CYRIA: variants seen among roughly 807,000 people sequenced by gnomAD.
CYRIA encodes the protein CYFIP-related Rac1 interactor A.
A neutral mutation model predicts 43.9 loss-of-function variants in CYRIA; 15 were observed. The observed-to-expected ratio is 0.34, with a 90% confidence interval of 0.23 to 0.53. The LOEUF is 0.53. CYRIA is among the 20% of genes least tolerant of loss of function. The pLI, the probability that CYRIA is intolerant of heterozygous loss-of-function variation, is 0.94. For synonymous variants in CYRIA, 117 were observed against 136.0 expected, an observed-to-expected ratio of 0.86 and a Z score of 0.97; for missense variants, 236 against 394.2, an observed-to-expected ratio of 0.60 and a Z score of 3.40.
intron 1 of CYRIA, among the ~76,000 whole-genome samples, chr2:16,639,054 A>G (rs751051167): frequency 1.3e-5 from 2 of 152,248 alleles, no homozygotes; most frequent in Non-Finnish European, 2.9e-5. Flanking sequence ...ACTTTAAAAT[A>G]TCCACTTCAA....
intron 1 of CYRIA, among the ~76,000 whole-genome samples, chr2:16,662,725 C>T (rs1670290658): frequency 6.6e-6 from 1 of 152,202 alleles, no homozygotes; most frequent in Non-Finnish European, 1.5e-5. Context: ...CACTCCATTG[C>T]TCCTCAAGTG....
chr2:16,653,097 C>A (rs1224208909), intron 1 of CYRIA, among the ~76,000 whole-genome samples: 1 of 152,198 alleles, frequency 6.6e-6, no homozygotes, highest in Non-Finnish European at 1.5e-5. Context: ...TGAAGACAAG[C>A]CTGGGCCTGT....
intron 3 of CYRIA, among the ~76,000 whole-genome samples, chr2:16,572,896 C>T (rs1374194147): frequency 6.6e-6 from 1 of 152,232 alleles, no homozygotes; most frequent in Non-Finnish European, 1.5e-5. Flanking sequence ...TGCTCTGTTA[C>T]AGACTTCTTC....
At chr2:16,631,200 T>G (rs574776829) in intron 1 of CYRIA, among the ~76,000 whole-genome samples, 2 of 152,382 alleles carry the variant, frequency 1.3e-5, no homozygotes, top group East Asian at 3.9e-4. Context: ...GTTCGTGTTT[T>G]ATCTCCACCA....
rs972614426 is a variant in CYRIA, at chr2:16,649,024, T to C, written c.-167+16756A>G. On this transcript the variant is annotated intron_variant, in intron 1 of 11. Transcript: ENST00000381323. ...TATAGTCAGCCTTTCATATTCACAG[T>C]TCCACATCCTTGGAATTCAACCGAC... Among the ~76,000 whole-genome samples the C allele has an allele frequency of 5.3e-5, 8 of 152,230 alleles. No homozygotes were observed. In the East Asian group the frequency reaches 1.5e-3, roughly 29 times the overall value.
At chr2:16,573,076 C>T (rs1272985626) in intron 3 of CYRIA, among the ~76,000 whole-genome samples, 1 of 152,202 alleles carries the variant, frequency 6.6e-6, no homozygotes, top group Non-Finnish European at 1.5e-5. Flanking sequence ...CCACTACTGC[C>T]GTTTCTGCCC....
At chr2:16,620,745 C>T (rs958422885) in intron 2 of CYRIA, among the ~76,000 whole-genome samples, 17 of 152,278 alleles carry the variant, frequency 1.1e-4, no homozygotes, top group Admixed American at 3.3e-4. Flanking sequence ...CTTGGTCTCT[C>T]AGACTCACCT....
At chr2:16,625,190 T>A (rs1031429894) in intron 1 of CYRIA, among the ~76,000 whole-genome samples, 6 of 151,894 alleles carry the variant, frequency 4.0e-5, no homozygotes, top group Admixed American at 3.3e-4. Context: ...GAAGTAGGGG[T>A]CTAAAGTCCA....
intron 1 of CYRIA, among the ~76,000 whole-genome samples, chr2:16,659,857 C>T (rs181019500): frequency 1.3e-5 from 2 of 152,282 alleles, no homozygotes; most frequent in African/African-American, 4.8e-5. Context: ...GTAACCAAGG[C>T]ATCTGTGAGG....
chr2:16,623,055 T>C (rs536045737), intron 2 of CYRIA: 7 of 152,170 alleles, frequency 4.6e-5, no homozygotes, highest in Non-Finnish European at 1.0e-4. Context: ...CACCAAAAAC[T>C]AGTGCAAGAG....
In CYRIA at chr2:16,588,134, G is replaced by C; in HGVS notation, c.-10-5C>G. 1 of 1,593,130 alleles carries C rather than the reference G, an allele frequency of 6.3e-7. No homozygotes were observed. The highest frequency in any genetic ancestry group is 8.6e-7 in the Non-Finnish European group (1 of 1,167,608). Reference sequence around the variant, plus strand: ...AGGTTTCCCATCCCAGCAAACCTAGGAAAGGCAACACAAAACCAAATACCA... The same window carrying C: ...AGGTTTCCCATCCCAGCAAACCTAGCAAAGGCAACACAAAACCAAATACCA... On this transcript the variant is annotated splice_polypyrimidine_tract_variant and splice_region_variant and intron_variant, in intron 2 of 11. Coordinates refer to ENST00000381323, the MANE Select transcript of CYRIA (RefSeq NM_030797.4).
chr2:16,641,361 A>C (rs1179416835), intron 1 of CYRIA, among the ~76,000 whole-genome samples: 1 of 151,836 alleles, frequency 6.6e-6, no homozygotes, highest in Non-Finnish European at 1.5e-5. Flanking sequence ...CAGCCTTCCC[A>C]CCTGCATGCC....
At chr2:16,580,968 T>C (rs1667529888) in intron 3 of CYRIA, among the ~76,000 whole-genome samples, 1 of 152,206 alleles carries the variant, frequency 6.6e-6, no homozygotes, top group South Asian at 2.1e-4. Flanking sequence ...GATCAGTCAC[T>C]GATCTAAATG....
At position 16,615,983 on chromosome 2, in the gene CYRIA, G is replaced by A. The variant is rs778256123; in HGVS notation, c.-11+7881C>T. 2.3e-4 allele frequency among the ~76,000 whole-genome samples: 35 copies of A among 152,298 alleles called. 1 individual carries two copies. The highest frequency in any genetic ancestry group is 4.4e-4 in the Non-Finnish European group (30 of 68,024). ...TCCATTCTTCTCTTCTGTTTCGCTC[G>A]ATTATCGCTGTGTGAGATCCTGCCC... On this transcript the variant is annotated intron_variant, in intron 2 of 11. Transcript: ENST00000381323.
At chr2:16,662,942 C>A (rs896096394) in intron 1 of CYRIA, among the ~76,000 whole-genome samples, 1 of 152,120 alleles carries the variant, frequency 6.6e-6, no homozygotes, top group Admixed American at 6.5e-5. Flanking sequence ...TTTTTCGAAC[C>A]CCTAGTTCCC....
At chr2:16,655,758 T>G (rs1411861615) in intron 1 of CYRIA, among the ~76,000 whole-genome samples, 2 of 152,186 alleles carry the variant, frequency 1.3e-5, no homozygotes, top group Non-Finnish European at 2.9e-5. Context: ...TACATAAAAT[T>G]GAATGCATTC....
chr2:16,636,151 C>G (rs1209134213), intron 1 of CYRIA, among the ~76,000 whole-genome samples: 1 of 152,100 alleles, frequency 6.6e-6, no homozygotes, highest in Non-Finnish European at 1.5e-5. Context: ...CTGGAAGTCC[C>G]TTGCAAGACT....
At chr2:16,645,030 G>C (rs933954662) in intron 1 of CYRIA, among the ~76,000 whole-genome samples, 3 of 152,182 alleles carry the variant, frequency 2.0e-5, no homozygotes, top group East Asian at 1.9e-4. Flanking sequence ...CCTTGGGACA[G>C]TGATAGCATT....
At chr2:16,617,818 T>C (rs1307147441) in intron 2 of CYRIA, among the ~76,000 whole-genome samples, 1 of 152,196 alleles carries the variant, frequency 6.6e-6, no homozygotes, top group Non-Finnish European at 1.5e-5. Context: ...GAGTTGGGTA[T>C]CTTAAAGACA....
Sources: gnomAD v4.1 joint callset for allele counts (sites outside exome capture counted in the v4.1 genomes callset) on GRCh38, gnomAD v4.1.1 for gene constraint, MANE v1.5 for transcripts, NCBI Gene and HGNC (gene_info 2026-07-23, HGNC 2026-07-21) for gene names.